EML6: variants seen among roughly 807,000 people sequenced by gnomAD.
EML6 encodes the protein EMAP like 6.
Under a neutral mutation model 240.1 loss-of-function variants are expected in EML6, and 154 were observed. The observed-to-expected ratio is 0.64, with a 90% CI of 0.56 to 0.73. EML6 has a LOEUF of 0.73. Among genes scored for constraint, EML6 ranks in the 30% least tolerant of loss-of-function variants. The pLI, the probability that EML6 is intolerant of heterozygous loss-of-function variation, is 0.00. For synonymous variants in EML6, 1,148 were observed against 899.0 expected (o/e 1.28, Z -4.95); for missense variants, 2,964 against 2,474.6 (o/e 1.20, Z -4.20).
Position 54,948,887 on chromosome 2 carries a change from C to G in EML6, c.4010C>G (p.Pro1337Arg). 1 of 1,551,298 alleles carries G rather than the reference C, an allele frequency of 6.4e-7. No individual in the cohort carries two copies. The highest frequency in any genetic ancestry group is 8.7e-7 in the Non-Finnish European group (1 of 1,146,812). The change falls in exon 29 of 42, where the codon CCC (proline) becomes CGC (arginine). Residue 1337 changes from proline to arginine, a missense_variant. Transcript: ENST00000356458. ...CTGGCCGCTCTCTCTTCCAGACCACCCGTTAGCCGAGCAGCTCCCCAGCCT... is the reference window on the plus strand; with the variant it reads ...CTGGCCGCTCTCTCTTCCAGACCACGCGTTAGCCGAGCAGCTCCCCAGCCT... Reference protein sequence around the residue: ...LKEVSVEERPPVSRAAPQPEK... With the variant: ...LKEVSVEERPRVSRAAPQPEK...
intron 17 of EML6, chr2:54,882,368 T>G (rs537803855): frequency 6.6e-6 from 1 of 151,974 alleles, no homozygotes; most frequent in East Asian, 1.9e-4. Flanking sequence ...ATAGAAGTAG[T>G]TACAGGGTGT....
chr2:54,806,612 C>CAA (rs58185994), intron 2 of EML6, among the ~76,000 whole-genome samples: 62 of 52,864 alleles, frequency 1.2e-3, no homozygotes, highest in South Asian at 4.2e-3. Flanking sequence ...ACTCCGTCTC[C>CAA]AAAAAAAAAA....
intron 2 of EML6, among the ~76,000 whole-genome samples, chr2:54,811,510 T>A (rs1408975040): frequency 6.6e-6 from 1 of 152,234 alleles, no homozygotes; most frequent in Non-Finnish European, 1.5e-5. Flanking sequence ...TGTGTATGTA[T>A]ATTGACATAT....
Position 54,968,208 on chromosome 2 carries a change from C to T in EML6, c.5678C>T (p.Ala1893Val), listed in dbSNP as rs1215768931. The T allele has an allele frequency of 1.3e-6, 2 of 1,551,740 alleles. No homozygotes were observed. The highest frequency in any genetic ancestry group is 8.7e-7 in the Non-Finnish European group (1 of 1,146,994). The change falls in exon 40 of 42, where the codon GCT (alanine) becomes GTT (valine). Residue 1893 changes from alanine to valine, a missense_variant. Coordinates refer to ENST00000356458, the MANE Select transcript of EML6 (RefSeq NM_001039753.4). ...ADVNCACVTH[A>V]GLNIVTGDDF... Reference sequence around the variant, plus strand: ...GTCAACTGCGCATGTGTGACCCACGCTGGCCTGAACATTGTCACAGGAGAT... The same window carrying T: ...GTCAACTGCGCATGTGTGACCCACGTTGGCCTGAACATTGTCACAGGAGAT...
intron 2 of EML6, among the ~76,000 whole-genome samples, chr2:54,751,664 ATATTTAAAATT>A (rs1684169198): frequency 6.6e-6 from 1 of 152,156 alleles, no homozygotes; most frequent in South Asian, 2.1e-4. Flanking sequence ...TTGTGGGCCT[ATATTTAAAATT>A]TATTTTTCAG....
At position 54,968,100 on chromosome 2, in the gene EML6, A is replaced by G. The variant is rs184833232; in HGVS notation, c.5598-28A>G. The G allele has an allele frequency of 9.3e-5, 144 of 1,549,488 alleles. 1 individual carries two copies. In the East Asian group the frequency reaches 2.8e-3, roughly 31 times the overall value. On this transcript the variant is annotated intron_variant, in intron 39 of 41. Coordinates refer to ENST00000356458, the MANE Select transcript of EML6 (RefSeq NM_001039753.4). ...GGAGCCTTCGCCGTGACTTCCTTCT[A>G]TCCTAACCCCTCTTTCTGTTGGAAC...
At chr2:54,876,984 A>AT (rs1671539401) in intron 16 of EML6, among the ~76,000 whole-genome samples, 1 of 143,074 alleles carries the variant, frequency 7.0e-6, no homozygotes, top group Non-Finnish European at 1.5e-5. Flanking sequence ...TCCAAAAAAA[A>AT]ATTTTTTTTT....
At chr2:54,820,960 ACT>A (rs1190881644) in intron 5 of EML6, among the ~76,000 whole-genome samples, 2 of 151,984 alleles carry the variant, frequency 1.3e-5, no homozygotes, top group Admixed American at 6.6e-5. Flanking sequence ...TCTAGACTAC[ACT>A]CTCATCTGGG....
intron 28 of EML6, among the ~76,000 whole-genome samples, chr2:54,941,763 C>T (rs1175986306): frequency 3.9e-5 from 6 of 152,334 alleles, no homozygotes; most frequent in East Asian, 3.9e-4. Flanking sequence ...ATGGCACACG[C>T]GTAGTGCACG....
Position 54,789,386 on chromosome 2 carries a change from C to T in EML6, c.198-23846C>T, listed in dbSNP as rs11889378. Among the ~76,000 whole-genome samples, 730 of 151,046 alleles carry T rather than the reference C, an allele frequency of 4.8e-3. 11 individuals carry two copies. Among genetic ancestry groups the T allele is most frequent in the African/African-American group, 0.017 (697 of 41,206 alleles). On this transcript the variant is annotated intron_variant, in intron 2 of 41. Coordinates refer to ENST00000356458, the MANE Select transcript of EML6 (RefSeq NM_001039753.4). ...AAAATTAGCCGGGCGTGATGGCGGG[C>T]GCCTGTAGTCCCAGCTACTCGGGAG... is the stretch of plus-strand genomic sequence containing the variant.
At chr2:54,809,599 C>G (rs1444668049) in intron 2 of EML6, among the ~76,000 whole-genome samples, 1 of 152,126 alleles carries the variant, frequency 6.6e-6, no homozygotes. Flanking sequence ...AAAGGATGGA[C>G]TTGGTTTCAT....
chr2:54,939,964 A>G (rs1006791737), intron 28 of EML6, among the ~76,000 whole-genome samples: 1 of 152,222 alleles, frequency 6.6e-6, no homozygotes, highest in Non-Finnish European at 1.5e-5. Flanking sequence ...AGCAGATTAT[A>G]AAGGAGGAAT....
At chr2:54,852,048 A>G (rs940704232) in intron 10 of EML6, among the ~76,000 whole-genome samples, 2 of 152,218 alleles carry the variant, frequency 1.3e-5, no homozygotes, top group Non-Finnish European at 1.5e-5. Context: ...GAACTCCAAC[A>G]CAACATTTCA....
rs576451962 is a variant in EML6, at chr2:54,775,568, A to T, written c.198-37664A>T. On this transcript the variant is annotated intron_variant, in intron 2 of 41. Transcript: ENST00000356458. ...TATCTCTCTCACCCTATTTTATTTT[A>T]TTCATAGCACTTATTACAACCTAAA... 1.6e-3 allele frequency among the ~76,000 whole-genome samples: 241 copies of T among 152,274 alleles called. 1 individual carries two copies. Among genetic ancestry groups the T allele is most frequent in the African/African-American group, 5.5e-3 (229 of 41,548 alleles).
intron 2 of EML6, among the ~76,000 whole-genome samples, chr2:54,773,462 G>T (rs895461499): frequency 2.0e-5 from 3 of 152,254 alleles, no homozygotes; most frequent in Admixed American, 6.5e-5. Context: ...TGGGCCAGTG[G>T]CAGATCATGC....
chr2:54,932,442 T>G (rs1674912022), intron 28 of EML6, among the ~76,000 whole-genome samples: 1 of 152,244 alleles, frequency 6.6e-6, no homozygotes, highest in Admixed American at 6.5e-5. Context: ...CCCAGCCGAC[T>G]TGACGCTAAT....
chr2:54,923,367 G>GCGCACACACACACACACACACA (rs1200496290), intron 26 of EML6, among the ~76,000 whole-genome samples: 1 of 144,364 alleles, frequency 6.9e-6, no homozygotes, highest in African/African-American at 2.6e-5. Context: ...CTCACCAAAC[G>GCGCACACACACACACACACACA]CACACACACA....
At chr2:54,887,509 G>A (rs952345904) in intron 17 of EML6, among the ~76,000 whole-genome samples, 3 of 152,062 alleles carry the variant, frequency 2.0e-5, no homozygotes, top group Admixed American at 2.0e-4. Context: ...CAAGCAAAAG[G>A]TTTATATTTT....
At position 54,962,607 on chromosome 2, in the gene EML6, C is replaced by A; in HGVS notation, c.5053C>A (p.His1685Asn). Reference protein sequence around the residue: ...NAASNILIDGHMEGEIWGLAT... With the variant: ...NAASNILIDGNMEGEIWGLAT... Reference sequence around the variant, plus strand: ...TGCTTCTAACATCCTGATTGATGGTCACATGGAAGGGGAGATCTGGGGCCT... The same window carrying A: ...TGCTTCTAACATCCTGATTGATGGTAACATGGAAGGGGAGATCTGGGGCCT... The change falls in exon 36 of 42, where the codon CAC (histidine) becomes AAC (asparagine). Residue 1685 changes from histidine (H) to asparagine (N), a missense_variant. Transcript: ENST00000356458. 6.5e-7 allele frequency: 1 copy of A among 1,548,880 alleles called. No homozygotes were observed. Among genetic ancestry groups the A allele is most frequent in the South Asian group, 1.2e-5 (1 of 83,108 alleles).
Sources: allele counts gnomAD v4.1 joint callset (sites outside exome capture counted in the v4.1 genomes callset), GRCh38; gene constraint gnomAD v4.1.1; transcripts MANE v1.5; gene names NCBI Gene and HGNC (gene_info 2026-07-23, HGNC 2026-07-21).